PDE4B: variants seen among roughly 807,000 people sequenced by gnomAD.
The protein encoded by PDE4B is 3',5'-cyclic-AMP phosphodiesterase 4B.
Under a neutral mutation model 82.2 loss-of-function variants are expected in PDE4B, and 20 were observed. That is an observed-to-expected ratio of 0.24 (90% confidence interval 0.17 to 0.35). The LOEUF is 0.35. Ranked by LOEUF, PDE4B falls within the 10% of genes least tolerant of loss-of-function variation. The pLI is 1.00. For synonymous variants in PDE4B, 320 were observed against 318.9 expected (o/e 1.00, Z -0.04); for missense variants, 655 against 907.2 (o/e 0.72, Z 3.57).
rs994973442 is a variant in PDE4B, at chr1:65,885,578, G to A, written c.-70-27667G>A. On this transcript the variant is annotated intron_variant, in intron 1 of 16. Transcript: ENST00000341517. ...CCTTTGTAGGGACATGGATGAAGCC[G>A]GAAACGATCATTCTCAGCAAACTAT... is the stretch of plus-strand genomic sequence containing the variant. Among the ~76,000 whole-genome samples the A allele has an allele frequency of 2.1e-4, 32 of 152,026 alleles. 1 individual carries two copies. In the East Asian group the frequency reaches 3.7e-3, roughly 17 times the overall value.
chr1:66,352,960 T>G (rs1661952829), intron 8 of PDE4B, among the ~76,000 whole-genome samples: 1 of 152,252 alleles, frequency 6.6e-6, no homozygotes, highest in Non-Finnish European at 1.5e-5. Context: ...CTAAGCTTTT[T>G]ACAACATATT....
chr1:65,963,052 G>C (rs1413945835), intron 3 of PDE4B, among the ~76,000 whole-genome samples: 3 of 152,134 alleles, frequency 2.0e-5, no homozygotes, highest in Non-Finnish European at 4.4e-5. Flanking sequence ...CTGATTTCCA[G>C]CTACCAACTG....
chr1:65,803,244 T>G (rs1023924113), intron 1 of PDE4B, among the ~76,000 whole-genome samples: 11 of 152,186 alleles, frequency 7.2e-5, no homozygotes, highest in Non-Finnish European at 1.3e-4. Flanking sequence ...CTAGTTAGTT[T>G]TTTCACATTA....
At chr1:66,110,572 A>T (rs1428622837) in intron 3 of PDE4B, among the ~76,000 whole-genome samples, 1 of 152,078 alleles carries the variant, frequency 6.6e-6, no homozygotes, top group East Asian at 1.9e-4. Context: ...AGCAATGCTT[A>T]TTAGCTAAAA....
At chr1:66,005,329 A>G (rs1652090993) in intron 3 of PDE4B, among the ~76,000 whole-genome samples, 1 of 152,156 alleles carries the variant, frequency 6.6e-6, no homozygotes, top group Non-Finnish European at 1.5e-5. Flanking sequence ...TAACAAGCTC[A>G]TATAACCAAT....
At chr1:65,919,627 G>A (rs892979978) in intron 3 of PDE4B, among the ~76,000 whole-genome samples, 1 of 152,068 alleles carries the variant, frequency 6.6e-6, no homozygotes, top group Non-Finnish European at 1.5e-5. Flanking sequence ...ATAATGTGTT[G>A]CTTTTAAAAT....
intron 3 of PDE4B, among the ~76,000 whole-genome samples, chr1:65,927,786 G>A (rs1483010668): frequency 6.6e-6 from 1 of 151,984 alleles, no homozygotes; most frequent in Non-Finnish European, 1.5e-5. Flanking sequence ...CTTCCATTTG[G>A]CCTTTCTCAC....
At chr1:66,365,808 A>G in intron 13 of PDE4B, 42 bp downstream of exon 13, 2 of 1,122,202 alleles carry the variant, frequency 1.8e-6, no homozygotes, top group Non-Finnish European at 2.6e-6. Context: ...TAATTGTATG[A>G]TTCACTGCTT....
chr1:66,136,328 G>T (rs975052112), intron 3 of PDE4B, among the ~76,000 whole-genome samples: 1 of 152,142 alleles, frequency 6.6e-6, no homozygotes, highest in Non-Finnish European at 1.5e-5. Flanking sequence ...CTATTTCAGA[G>T]ATATGTGAAT....
At chr1:66,164,604 C>A (rs1281022623) in intron 3 of PDE4B, among the ~76,000 whole-genome samples, 1 of 147,430 alleles carries the variant, frequency 6.8e-6, no homozygotes. Context: ...AAAAGACCAG[C>A]GATCTCTATT....
At chr1:66,141,975 T>A (rs1034932548) in intron 3 of PDE4B, among the ~76,000 whole-genome samples, 6 of 152,328 alleles carry the variant, frequency 3.9e-5, no homozygotes, top group Non-Finnish European at 7.4e-5. Context: ...TAGCCTACTG[T>A]TGCTCAGAAG....
chr1:66,335,951 G>A lies in PDE4B; in HGVS notation c.747+3331G>A, dbSNP rs1660480699. Among the ~76,000 whole-genome samples, 2 of 152,326 alleles carry A rather than the reference G, an allele frequency of 1.3e-5. 1 individual carries two copies. The highest frequency in any genetic ancestry group is 4.1e-4 in the South Asian group (2 of 4,828). Reference sequence around the variant, plus strand: ...ACTTCAGCAAAATGCATCAGAGCATGAGTTCCTCAGTGGCAAAACAGTCAG... The same window carrying A: ...ACTTCAGCAAAATGCATCAGAGCATAAGTTCCTCAGTGGCAAAACAGTCAG... On this transcript the variant is annotated intron_variant, in intron 8 of 16. Transcript: ENST00000341517.
intron 4 of PDE4B, among the ~76,000 whole-genome samples, chr1:66,254,616 G>A (rs1654047244): frequency 6.6e-6 from 1 of 152,130 alleles, no homozygotes; most frequent in Non-Finnish European, 1.5e-5. Flanking sequence ...AGTTCAACGT[G>A]TACCTTAAAA....
chr1:66,105,513 C>A (rs1009977189), intron 3 of PDE4B, among the ~76,000 whole-genome samples: 6 of 152,124 alleles, frequency 3.9e-5, no homozygotes, highest in African/African-American at 1.2e-4. Context: ...GGCATTGAAT[C>A]TATAAATTAC....
At chr1:65,918,515 T>C in intron 2 of PDE4B, 82 bp from the exon 3 acceptor site, 2 of 789,372 alleles carry the variant, frequency 2.5e-6, no homozygotes, top group Non-Finnish European at 2.2e-6. Flanking sequence ...AGCTTGATCA[T>C]TTAGTTTCTT....
intron 3 of PDE4B, among the ~76,000 whole-genome samples, chr1:66,219,588 C>G (rs1288433488): frequency 6.6e-6 from 1 of 152,132 alleles, no homozygotes; most frequent in Admixed American, 6.6e-5. Flanking sequence ...GGATTCTGCA[C>G]CATGTTTTTA....
chr1:65,831,438 G>A (rs992939632), intron 1 of PDE4B, among the ~76,000 whole-genome samples: 1 of 152,084 alleles, frequency 6.6e-6, no homozygotes, highest in African/African-American at 2.4e-5. Flanking sequence ...AGCTTTGAGG[G>A]ACTGGATCCA....
Position 66,275,107 on chromosome 1 carries a change from T to C in PDE4B, c.634+9020T>C, listed in dbSNP as rs12409152. On this transcript the variant is annotated intron_variant, in intron 7 of 16. Transcript: ENST00000341517. ...AGGGACACCCCTAAATACAGCTTTT[T>C]CTCTTAAAAGCAGAGTGCAAAAAAA... Among the ~76,000 whole-genome samples, 570 of 152,286 alleles carry C rather than the reference T, an allele frequency of 3.7e-3. 3 individuals are homozygous for C. The highest frequency in any genetic ancestry group is 0.026 in the Admixed American group (394 of 15,300).
chr1:65,828,254 T>C (rs1260973008), intron 1 of PDE4B, among the ~76,000 whole-genome samples: 1 of 152,122 alleles, frequency 6.6e-6, no homozygotes, highest in East Asian at 1.9e-4. Flanking sequence ...GTTATTATTA[T>C]TATAATTCTG....
Sources: gnomAD v4.1 joint callset for allele counts (sites outside exome capture counted in the v4.1 genomes callset) on GRCh38, gnomAD v4.1.1 for gene constraint, MANE v1.5 for transcripts, NCBI Gene and HGNC (gene_info 2026-07-23, HGNC 2026-07-21) for gene names.